ZC3H12B: variants seen among roughly 807,000 people sequenced by gnomAD.
ZC3H12B encodes zinc finger CCCH-type containing 12B, also known as probable ribonuclease ZC3H12B.
Under a neutral mutation model 43.9 loss-of-function variants are expected in ZC3H12B, and 7 were observed. The observed-to-expected ratio is 0.16, with a 90% CI of 0.09 to 0.30. ZC3H12B has a LOEUF of 0.30. ZC3H12B is among the 10% of genes least tolerant of loss of function. The pLI, the probability that ZC3H12B is intolerant of heterozygous loss-of-function variation, is 1.00. For missense variants in ZC3H12B, 475 were observed against 670.2 expected (o/e 0.71, Z 3.22); for synonymous variants, 222 against 241.7 (o/e 0.92, Z 0.76).
intron 3 of ZC3H12B, among the ~76,000 whole-genome samples, chrX:65,417,198 G>A (rs370485155): frequency 9.0e-6 from 1 of 111,402 alleles, no homozygotes; most frequent in African/African-American, 3.3e-5. Flanking sequence ...TGTACAGGGT[G>A]GTAAACCACA....
At chrX:65,345,484 G>A in the ZC3H12B span, among the ~76,000 whole-genome samples, 2 of 111,500 alleles carry the variant, frequency 1.8e-5, no homozygotes, top group Non-Finnish European at 1.9e-5. Context: ...CTTATAATTT[G>A]AGCTAAATGA....
At chrX:65,265,468 C>T in the ZC3H12B span, among the ~76,000 whole-genome samples, 4 of 111,966 alleles carry the variant, frequency 3.6e-5, no homozygotes, top group Non-Finnish European at 7.5e-5. Context: ...TATACTACTT[C>T]TCAGTAGGAA....
At chrX:65,376,774 C>A (rs2066352638) in intron 2 of ZC3H12B, among the ~76,000 whole-genome samples, 1 of 111,230 alleles carries the variant, frequency 9.0e-6, no homozygotes, top group Non-Finnish European at 1.9e-5. Context: ...CTTTCAAATA[C>A]CCAGAAAGCC....
At chrX:65,278,358 G>A in the ZC3H12B span, among the ~76,000 whole-genome samples, 2 of 111,315 alleles carry the variant, frequency 1.8e-5, no homozygotes, top group Non-Finnish European at 3.8e-5. Context: ...CTAAAAAGGG[G>A]AGTAACCCAC....
chrX:65,158,928 C>G, the ZC3H12B span, among the ~76,000 whole-genome samples: 1 of 111,732 alleles, frequency 8.9e-6, no homozygotes, highest in South Asian at 3.7e-4. Context: ...AGTCTTTAAT[C>G]CATCTTGAAT....
At chrX:65,273,478 A>G in the ZC3H12B span, among the ~76,000 whole-genome samples, 1 of 111,294 alleles carries the variant, frequency 9.0e-6, no homozygotes, top group Admixed American at 9.6e-5. Context: ...AAGCAAATAT[A>G]TGCATAATGG....
chrX:65,361,552 C>G, the ZC3H12B span, among the ~76,000 whole-genome samples: 2 of 111,729 alleles, frequency 1.8e-5, no homozygotes, highest in Non-Finnish European at 1.9e-5. Flanking sequence ...GTTTACTGTT[C>G]CTCTTAAAAA....
At chrX:65,054,820 T>A in the ZC3H12B span, among the ~76,000 whole-genome samples, 1 of 111,481 alleles carries the variant, frequency 9.0e-6, no homozygotes, top group Admixed American at 9.5e-5. Flanking sequence ...GTAAGTTGGA[T>A]TCCTAGGTAT....
chrX:65,496,872 C>A (rs951289484), intron 1 of ZC3H12B, among the ~76,000 whole-genome samples: 1 of 104,391 alleles, frequency 9.6e-6, no homozygotes, highest in African/African-American at 3.5e-5. Flanking sequence ...AGGAGAATCA[C>A]TTGAACCCAG....
the ZC3H12B span, among the ~76,000 whole-genome samples, chrX:65,102,522 G>A: frequency 9.0e-6 from 1 of 111,649 alleles, no homozygotes; most frequent in Admixed American, 9.7e-5. Context: ...AAGCAGATAA[G>A]CAACGTCAGC....
the ZC3H12B span, among the ~76,000 whole-genome samples, chrX:65,190,352 G>T: frequency 9.0e-6 from 1 of 111,135 alleles, no homozygotes; most frequent in Non-Finnish European, 1.9e-5. Flanking sequence ...TTGGTAGCTT[G>T]ATGGGGATGG....
chrX:65,151,131 T>A, the ZC3H12B span, among the ~76,000 whole-genome samples: 13 of 112,303 alleles, frequency 1.2e-4, no homozygotes, highest in African/African-American at 3.9e-4. Flanking sequence ...GTTCAAGATT[T>A]CTATGTCTTC....
intron 3 of ZC3H12B, among the ~76,000 whole-genome samples, chrX:65,438,288 C>T (rs1421082639): frequency 1.8e-5 from 2 of 111,788 alleles, no homozygotes; most frequent in Non-Finnish European, 3.8e-5. Context: ...ATAGGGATTG[C>T]ATTGAATCTG....
At chrX:65,035,395 G>T in the ZC3H12B span, among the ~76,000 whole-genome samples, 1 of 112,433 alleles carries the variant, frequency 8.9e-6, no homozygotes, top group Non-Finnish European at 1.9e-5. Context: ...TCTGCTCGCG[G>T]CTCTCTATTC....
chrX:65,219,809 T>TACACACAC, the ZC3H12B span, among the ~76,000 whole-genome samples: 1,625 of 76,616 alleles, frequency 0.021, 18 homozygotes, highest in Non-Finnish European at 0.033. Flanking sequence ...TACACACACA[T>TACACACAC]ACACACACAC....
chrX:65,281,535 A>G, the ZC3H12B span, among the ~76,000 whole-genome samples: 3 of 112,464 alleles, frequency 2.7e-5, no homozygotes, highest in South Asian at 3.6e-4. Context: ...TGTATAGGCA[A>G]TTGGTCTTTG....
chrX:65,123,699 G>C, the ZC3H12B span, among the ~76,000 whole-genome samples: 1,381 of 107,175 alleles, frequency 0.013, 9 homozygotes, highest in Middle Eastern at 0.028. Flanking sequence ...CATGTTCTTG[G>C]GTAGGTAGAT....
chrX:65,200,606 T>G, the ZC3H12B span, among the ~76,000 whole-genome samples: 1 of 107,699 alleles, frequency 9.3e-6, no homozygotes, highest in Non-Finnish European at 1.9e-5. Flanking sequence ...CTAATTTTTT[T>G]TGTATATTTA....
At chrX:65,453,671 G>A (rs1419947748) in intron 3 of ZC3H12B, among the ~76,000 whole-genome samples, 1 of 108,488 alleles carries the variant, frequency 9.2e-6, no homozygotes, top group Non-Finnish European at 1.9e-5. Flanking sequence ...GCAGTGAACC[G>A]AGATCATGCC....
Sources: gnomAD v4.1 joint callset for allele counts (sites outside exome capture counted in the v4.1 genomes callset) on GRCh38, gnomAD v4.1.1 for gene constraint, MANE v1.5 for transcripts, NCBI Gene and HGNC (gene_info 2026-07-23, HGNC 2026-07-21) for gene names.